SNTG1: variants seen among roughly 807,000 people sequenced by gnomAD.
SNTG1 encodes the protein gamma-1-syntrophin.
SNTG1 carries 39 observed loss-of-function variants against 74.7 expected under a neutral mutation model. That is an observed-to-expected ratio of 0.52 (90% CI 0.40 to 0.68). The LOEUF is 0.68. Ranked by LOEUF, SNTG1 falls within the 30% of genes least tolerant of loss-of-function variation. The probability of loss-of-function intolerance (pLI) is 0.00; values close to 1 mark genes in which losing one functional copy is unlikely to be tolerated. For synonymous variants in SNTG1, 254 were observed against 217.1 expected (o/e 1.17, Z -1.49); for missense variants, 685 against 609.5 (o/e 1.12, Z -1.30).
intron 1 of SNTG1, among the ~76,000 whole-genome samples, chr8:50,016,841 A>G (rs1334894500): frequency 3.3e-5 from 5 of 152,152 alleles, no homozygotes; most frequent in Admixed American, 3.3e-4. Context: ...CAAACAGCAA[A>G]TTCCACCAAT....
intron 1 of SNTG1, among the ~76,000 whole-genome samples, chr8:49,940,790 A>T (rs1356304041): frequency 6.6e-6 from 1 of 152,160 alleles, no homozygotes; most frequent in African/African-American, 2.4e-5. Flanking sequence ...TATTTTAAGT[A>T]TGTAATCATA....
intron 2 of SNTG1, among the ~76,000 whole-genome samples, chr8:50,264,829 A>G (rs1231080076): frequency 1.3e-5 from 2 of 152,078 alleles, no homozygotes; most frequent in Non-Finnish European, 2.9e-5. Context: ...GAATTAATGA[A>G]GAAGGTAAGA....
rs77885142 is a variant in SNTG1 at position 50,625,124 on chromosome 8, A to G, written c.850-31785A>G. ...CTAAGCTCTTCACATATATTATCTCATTTAATCCCATCACATGTATACACT... is the reference window on the plus strand; with the variant it reads ...CTAAGCTCTTCACATATATTATCTCGTTTAATCCCATCACATGTATACACT... On this transcript the variant is annotated intron_variant, in intron 13 of 18. Coordinates refer to ENST00000642720, the MANE Select transcript of SNTG1 (RefSeq NM_018967.5). 3.0e-3 allele frequency among the ~76,000 whole-genome samples: 464 copies of G among 152,286 alleles called. 15 individuals are homozygous for G. The East Asian group carries it at 0.082, about 27-fold the overall frequency.
At chr8:50,303,987 A>G (rs2089768297) in intron 2 of SNTG1, among the ~76,000 whole-genome samples, 1 of 152,182 alleles carries the variant, frequency 6.6e-6, no homozygotes, top group South Asian at 2.1e-4. Flanking sequence ...ATATGTTTGC[A>G]CTTTGCTTTA....
intron 17 of SNTG1, among the ~76,000 whole-genome samples, chr8:50,721,088 T>C (rs2095486551): frequency 6.6e-6 from 1 of 152,212 alleles, no homozygotes; most frequent in East Asian, 1.9e-4. Flanking sequence ...TGTAAGCCTT[T>C]CATTAGCATT....
At chr8:50,429,806 A>C (rs561229737) in intron 4 of SNTG1, among the ~76,000 whole-genome samples, 1 of 152,282 alleles carries the variant, frequency 6.6e-6, no homozygotes, top group East Asian at 1.9e-4. Flanking sequence ...GCAATCAAAA[A>C]ATGGGCAAAT....
At chr8:50,093,165 A>G (rs939960845) in intron 1 of SNTG1, among the ~76,000 whole-genome samples, 6 of 152,156 alleles carry the variant, frequency 3.9e-5, no homozygotes, top group African/African-American at 1.4e-4. Flanking sequence ...GCCAAACCCT[A>G]CCATACTCTA....
rs562248377 is a variant in SNTG1 at position 49,974,326 on chromosome 8, C to T, written c.-103+62095C>T. 1.7e-4 allele frequency among the ~76,000 whole-genome samples: 26 copies of T among 152,258 alleles called. No homozygotes were observed. The South Asian group carries it at 4.4e-3, about 26-fold the overall frequency. ...ACCTTCCTAGCCCTCCATGTTGTAG[C>T]GGGTGCCTTCATATATTTTATTTGC... On this transcript the variant is annotated intron_variant, in intron 1 of 18. Coordinates refer to ENST00000642720, the MANE Select transcript of SNTG1 (RefSeq NM_018967.5).
intron 2 of SNTG1, among the ~76,000 whole-genome samples, chr8:50,373,432 A>G (rs1277794220): frequency 2.0e-5 from 3 of 152,180 alleles, no homozygotes; most frequent in Admixed American, 6.5e-5. Context: ...GTGACAAGAG[A>G]ATTCTAAATT....
chr8:50,461,371 AT>A (rs373000307), intron 8 of SNTG1, among the ~76,000 whole-genome samples: 1 of 151,984 alleles, frequency 6.6e-6, no homozygotes, highest in African/African-American at 2.4e-5. Flanking sequence ...TTGTAAATGT[AT>A]TTTTTTCTGT....
In SNTG1 at chr8:50,530,200, G is replaced by A. The variant is rs1020112242; in HGVS notation, c.490G>A (p.Gly164Ser). 8 of 1,613,694 alleles carry A rather than the reference G, an allele frequency of 5.0e-6. No individual in the cohort carries two copies. Among genetic ancestry groups the A allele is most frequent in the Non-Finnish European group, 6.8e-6 (8 of 1,179,736 alleles). The part of the protein sequence containing the change: ...CACAPSDQSS[G>S]TSSPLCDSGL... Reference sequence around the variant, plus strand: ...AGGTGCTCCAAGTGACCAGAGCAGTGGCACCTCCTCTCCTCTCTGTGACAG... The same window carrying A: ...AGGTGCTCCAAGTGACCAGAGCAGTAGCACCTCCTCTCCTCTCTGTGACAG... Residue 164 changes from glycine (G) to serine (S), a missense_variant, in exon 10 of 19, where the codon GGC (glycine) becomes AGC (serine). Coordinates refer to ENST00000642720, the MANE Select transcript of SNTG1 (RefSeq NM_018967.5).
chr8:50,010,143 G>A (rs1409422604), intron 1 of SNTG1, among the ~76,000 whole-genome samples: 1 of 152,072 alleles, frequency 6.6e-6, no homozygotes, highest in Non-Finnish European at 1.5e-5. Context: ...ATACAATTAA[G>A]GATTTTGCTC....
intron 13 of SNTG1, among the ~76,000 whole-genome samples, chr8:50,610,863 A>C (rs970472497): frequency 6.6e-6 from 1 of 152,196 alleles, no homozygotes; most frequent in African/African-American, 2.4e-5. Context: ...TTGACTATGA[A>C]GTTCCCAAAT....
intron 13 of SNTG1, among the ~76,000 whole-genome samples, chr8:50,656,142 A>T (rs1359060981): frequency 6.6e-6 from 1 of 152,178 alleles, no homozygotes; most frequent in African/African-American, 2.4e-5. Flanking sequence ...ATCCTCCCGC[A>T]CAGAGTTGTG....
chr8:50,758,027 C>G (rs2095585864), intron 18 of SNTG1, among the ~76,000 whole-genome samples: 1 of 151,862 alleles, frequency 6.6e-6, no homozygotes, highest in Admixed American at 6.6e-5. Context: ...ATACACAATC[C>G]TATACAATCT....
intron 1 of SNTG1, among the ~76,000 whole-genome samples, chr8:50,029,567 A>G (rs1441684897): frequency 6.6e-6 from 1 of 152,042 alleles, no homozygotes; most frequent in Non-Finnish European, 1.5e-5. Context: ...CAACTGTTTT[A>G]ATTTTCAGCT....
At chr8:50,792,042 T>C (rs1434959090) in intron 18 of SNTG1, among the ~76,000 whole-genome samples, 3 of 151,722 alleles carry the variant, frequency 2.0e-5, no homozygotes, top group Non-Finnish European at 4.4e-5. Context: ...GAGAAACCTA[T>C]TTCTAAAAAT....
At chr8:50,309,523 A>G (rs1587062955) in intron 2 of SNTG1, among the ~76,000 whole-genome samples, 2 of 152,204 alleles carry the variant, frequency 1.3e-5, no homozygotes, top group African/African-American at 4.8e-5. Context: ...TCATACTTCA[A>G]CGAGATGAGT....
chr8:50,640,650 G>A (rs867813845), intron 13 of SNTG1, among the ~76,000 whole-genome samples: 8 of 152,034 alleles, frequency 5.3e-5, no homozygotes, highest in African/African-American at 1.4e-4. Flanking sequence ...AATCTCTAAC[G>A]TTTTTCTTTC....
Sources: allele counts gnomAD v4.1 joint callset (sites outside exome capture counted in the v4.1 genomes callset), GRCh38; gene constraint gnomAD v4.1.1; transcripts MANE v1.5; gene names NCBI Gene and HGNC (gene_info 2026-07-23, HGNC 2026-07-21).